RCC1L: variants seen among roughly 807,000 people sequenced by gnomAD.
RCC1L encodes RCC1 like, also known as RCC1-like G exchanging factor-like protein.
Under a neutral mutation model 58.6 loss-of-function variants are expected in RCC1L, and 46 were observed. The observed-to-expected ratio is 0.79, with a 90% CI of 0.62 to 1.00. The LOEUF is 1.00. Among genes scored for constraint, RCC1L ranks in the 50% least tolerant of loss-of-function variants. The pLI, the probability that RCC1L is intolerant of heterozygous loss-of-function variation, is 0.00. For synonymous variants in RCC1L, 281 were observed against 262.9 expected, an observed-to-expected ratio of 1.07 and a Z score of -0.67; for missense variants, 636 against 623.6, an observed-to-expected ratio of 1.02 and a Z score of -0.21.
downstream of RCC1L, among the ~76,000 whole-genome samples, chr7:75,038,426 A>G (rs1805475023): frequency 6.7e-6 from 1 of 148,614 alleles, no homozygotes; most frequent in African/African-American, 2.5e-5. Context: ...TAATTTTTGT[A>G]TTTGTGTTTT....
intron 9 of RCC1L, among the ~76,000 whole-genome samples, chr7:75,053,999 C>T (rs1805997591): frequency 6.6e-6 from 1 of 152,296 alleles, no homozygotes; most frequent in Non-Finnish European, 1.5e-5. Context: ...AACTCTCAAA[C>T]TCAAGCAGTC....
chr7:75,032,543 T>TG (rs1367025574), intron 10 of RCC1L, among the ~76,000 whole-genome samples: 88 of 152,132 alleles, frequency 5.8e-4, no homozygotes, highest in Admixed American at 2.9e-3. Context: ...AGATTTTCCA[T>TG]GGGGGGGTAG....
intron 10 of RCC1L, among the ~76,000 whole-genome samples, chr7:75,051,505 C>T (rs1805915948): frequency 6.6e-6 from 1 of 151,954 alleles, no homozygotes; most frequent in Admixed American, 6.6e-5. Context: ...CCTCTGCCTC[C>T]CGGGTTCAAG....
At chr7:75,061,671 G>C (rs1305316305) in intron 5 of RCC1L, among the ~76,000 whole-genome samples, 1 of 152,076 alleles carries the variant, frequency 6.6e-6, no homozygotes, top group South Asian at 2.1e-4. Context: ...TCTCTCTCCA[G>C]GGTGTGTCTC....
chr7:75,066,405 G>C (rs1348169987), intron 3 of RCC1L, among the ~76,000 whole-genome samples: 1 of 151,108 alleles, frequency 6.6e-6, no homozygotes, highest in Non-Finnish European at 1.5e-5. Context: ...AGTGAGCCGA[G>C]ATTACACCAC....
At chr7:75,038,369 A>G (rs1805473902), downstream of RCC1L, among the ~76,000 whole-genome samples, 1 of 151,744 alleles carries the variant, frequency 6.6e-6, no homozygotes, top group African/African-American at 2.4e-5. Flanking sequence ...CTCCCGCCTC[A>G]GCCTCCTGAG....
downstream of RCC1L, among the ~76,000 whole-genome samples, chr7:75,037,951 C>T (rs1209176652): frequency 2.0e-5 from 3 of 152,158 alleles, no homozygotes; most frequent in African/African-American, 4.8e-5. Context: ...TGTTAAATAT[C>T]GGGGCTGGTG....
At chr7:75,029,782 G>A (rs1253444526) in intron 10 of RCC1L, among the ~76,000 whole-genome samples, 1 of 152,224 alleles carries the variant, frequency 6.6e-6, no homozygotes, top group Non-Finnish European at 1.5e-5. Context: ...GAGCCTGAGT[G>A]AGGCCGGGGG....
chr7:75,065,571 A>G (rs1806442461), intron 3 of RCC1L, among the ~76,000 whole-genome samples: 1 of 152,040 alleles, frequency 6.6e-6, no homozygotes, highest in Non-Finnish European at 1.5e-5. Flanking sequence ...AAAAAAAGAA[A>G]AATGAAATGT....
downstream of RCC1L, among the ~76,000 whole-genome samples, chr7:75,039,947 G>C (rs954079467): frequency 2.6e-5 from 4 of 152,094 alleles, no homozygotes; most frequent in South Asian, 8.3e-4. Flanking sequence ...GGGAGGGGCG[G>C]CATTAGGGAA....
intron 2 of RCC1L, among the ~76,000 whole-genome samples, chr7:75,068,632 G>T (rs1806600407): frequency 6.6e-6 from 1 of 152,018 alleles, no homozygotes; most frequent in African/African-American, 2.4e-5. Flanking sequence ...GTTGCAGTGA[G>T]CTGAGATCAT....
intron 8 of RCC1L, 111 bp from the exon 9 acceptor site, chr7:75,056,185 GT>G (rs1407407702): frequency 8.3e-4 from 898 of 1,081,322 alleles, no homozygotes; most frequent in Middle Eastern, 1.1e-3. Context: ...GTTTTTTTTT[GT>G]TTTTTTTTTG....
rs1175274941 is a variant in RCC1L at position 75,051,323 on chromosome 7, T to TAC, written c.1317+1386_1317+1387dup. The stretch of plus-strand genomic sequence containing the variant: ...ATACATATATATATACACACATATA[T>TAC]ACACACACACACACATATATATACA... On this transcript the variant is annotated intron_variant, in intron 10 of 10. Coordinates refer to ENST00000610322, the MANE Select transcript of RCC1L (RefSeq NM_030798.5). Among the ~76,000 whole-genome samples, 713 of 147,998 alleles carry TAC rather than the reference T, an allele frequency of 4.8e-3. 4 individuals are homozygous for TAC. Among genetic ancestry groups the TAC allele is most frequent in the African/African-American group, 0.016 (646 of 40,218 alleles).
In RCC1L at chr7:75,057,724, CCA is replaced by C. The variant is rs1182736882; in HGVS notation, c.970-110_970-109del. 3 of 946,668 alleles carry C rather than the reference CCA, an allele frequency of 3.2e-6. No homozygotes were observed. The African/African-American group carries it at 4.9e-5, about 15-fold the overall frequency. The allele number at this position is 946,668 out of a possible 1,614,324, so 58.6% of individuals were successfully genotyped here. A position where few individuals can be genotyped will look rare whatever the true frequency, so the allele number is the denominator to read the frequency against. The stretch of plus-strand genomic sequence containing the variant: ...CTGAGTCCTAGTTCATTCATTCACT[CCA>C]CAGATACTTCCTGAACATCACATGC... On this transcript the variant is annotated intron_variant, in intron 7 of 10. Transcript: ENST00000610322.
In RCC1L at chr7:75,042,947, C is replaced by T; in HGVS notation, c.*85G>A. 6.2e-7 allele frequency: 1 copy of T among 1,604,518 alleles called. No homozygotes were observed. The highest frequency in any genetic ancestry group is 8.5e-7 in the Non-Finnish European group (1 of 1,175,038). The stretch of plus-strand genomic sequence containing the variant: ...GTCCTCCGCCACCACCATCCAAGAA[C>T]CCCGGGGGGCTGGCCACGCGCTGGC... On this transcript the variant is annotated 3_prime_UTR_variant, in exon 11 of 11. Transcript: ENST00000610322.
chr7:75,069,254 G>A (rs990376767), intron 2 of RCC1L, among the ~76,000 whole-genome samples: 10 of 151,944 alleles, frequency 6.6e-5, no homozygotes, highest in African/African-American at 1.5e-4. Flanking sequence ...GTGCGGTGGC[G>A]CAATCACCGC....
intron 10 of RCC1L, among the ~76,000 whole-genome samples, chr7:75,033,311 A>G (rs1376922987): frequency 1.3e-5 from 2 of 152,126 alleles, no homozygotes; most frequent in African/African-American, 4.8e-5. Context: ...TAGAGGGAAG[A>G]CAGAGAAGCA....
At chr7:75,049,298 T>TAA (rs1382532074) in intron 10 of RCC1L, among the ~76,000 whole-genome samples, 12,774 of 152,036 alleles carry the variant, frequency 0.084, 1,735 homozygotes, top group African/African-American at 0.29. Flanking sequence ...AGGCAGAAGT[T>TAA]TGAGACCAGC....
chr7:75,039,883 A>G (rs1805514150), downstream of RCC1L, among the ~76,000 whole-genome samples: 1 of 152,034 alleles, frequency 6.6e-6, no homozygotes, highest in Non-Finnish European at 1.5e-5. Context: ...CTAGCAACCG[A>G]GCTAATGGCA....
Sources: gnomAD v4.1 joint callset for allele counts (sites outside exome capture counted in the v4.1 genomes callset) on GRCh38, gnomAD v4.1.1 for gene constraint, MANE v1.5 for transcripts, NCBI Gene and HGNC (gene_info 2026-07-23, HGNC 2026-07-21) for gene names.